The following ZC3H12C variants were observed in gnomAD, a reference collection of about 807,000 sequenced individuals.
The protein encoded by ZC3H12C is probable ribonuclease ZC3H12C.
Under a neutral mutation model 76.3 loss-of-function variants are expected in ZC3H12C, and 20 were observed. That is an observed-to-expected ratio of 0.26 (90% CI 0.18 to 0.38). The LOEUF is 0.38. ZC3H12C is among the 10% of genes least tolerant of loss of function. The pLI is 1.00. For synonymous variants in ZC3H12C, 352 were observed against 399.6 expected, an observed-to-expected ratio of 0.88 and a Z score of 1.42; for missense variants, 874 against 1,086.5, an observed-to-expected ratio of 0.80 and a Z score of 2.75.
At chr11:110,121,179 T>G (rs1392941844) in intron 1 of ZC3H12C, among the ~76,000 whole-genome samples, 1 of 152,234 alleles carries the variant, frequency 6.6e-6, no homozygotes, top group Non-Finnish European at 1.5e-5. Flanking sequence ...TTTAAGTACC[T>G]GTGTTTGGCT....
chr11:110,103,794 G>A (rs78736785), intron 1 of ZC3H12C, among the ~76,000 whole-genome samples: 2 of 151,832 alleles, frequency 1.3e-5, no homozygotes, highest in Admixed American at 6.6e-5. Context: ...TATTAGAGAT[G>A]GGGTTTCACC....
chr11:110,110,757 C>G (rs567857518), intron 1 of ZC3H12C, among the ~76,000 whole-genome samples: 14 of 152,244 alleles, frequency 9.2e-5, no homozygotes, highest in Non-Finnish European at 2.1e-4. Context: ...TAAGGTCTTT[C>G]AGACCCCTCT....
intron 1 of ZC3H12C, 95 bp downstream of exon 1, chr11:110,093,527 C>T: frequency 1.0e-6 from 1 of 970,812 alleles, no homozygotes; most frequent in African/African-American, 1.8e-5. Flanking sequence ...CGCGCCCGGG[C>T]GCCAGGCGGA....
At chr11:110,142,098 T>A (rs1285453595) in intron 2 of ZC3H12C, among the ~76,000 whole-genome samples, 1 of 152,168 alleles carries the variant, frequency 6.6e-6, no homozygotes, top group Non-Finnish European at 1.5e-5. Flanking sequence ...TTAAAGAAAA[T>A]CCTTAGAGCC....
intron 1 of ZC3H12C, among the ~76,000 whole-genome samples, chr11:110,116,545 G>A (rs1382187826): frequency 6.6e-6 from 1 of 152,100 alleles, no homozygotes; most frequent in African/African-American, 2.4e-5. Flanking sequence ...TAAAGCTTTT[G>A]CCTGCATAAT....
intron 4 of ZC3H12C, among the ~76,000 whole-genome samples, chr11:110,162,521 C>T (rs1862498840): frequency 6.6e-6 from 1 of 152,208 alleles, no homozygotes; most frequent in South Asian, 2.1e-4. Flanking sequence ...CAGAATTCTT[C>T]AAGCATAACT....
chr11:110,096,117 CAT>C (rs943727005), intron 1 of ZC3H12C, among the ~76,000 whole-genome samples: 13 of 152,102 alleles, frequency 8.5e-5, no homozygotes, highest in African/African-American at 3.1e-4. Flanking sequence ...CAACAAAACA[CAT>C]GTTATAATCT....
intron 3 of ZC3H12C, among the ~76,000 whole-genome samples, chr11:110,153,794 T>C (rs752148521): frequency 6.6e-6 from 1 of 152,248 alleles, no homozygotes; most frequent in Non-Finnish European, 1.5e-5. Context: ...TGTAAGACCA[T>C]AAGATGTGCT....
chr11:110,109,733 TG>T (rs1188391341), intron 1 of ZC3H12C, among the ~76,000 whole-genome samples: 1 of 152,140 alleles, frequency 6.6e-6, no homozygotes, highest in Non-Finnish European at 1.5e-5. Context: ...TTTCTTTGAC[TG>T]TCAGTTTGGC....
intron 1 of ZC3H12C, 107 bp downstream of exon 1, chr11:110,093,539 G>A (rs1861049884): frequency 1.2e-6 from 1 of 826,400 alleles, no homozygotes; most frequent in Non-Finnish European, 1.6e-6. Context: ...CCAGGCGGAG[G>A]GCGCCGGGGC....
chr11:110,165,935 CT>C lies in ZC3H12C; in HGVS notation c.*209del, dbSNP rs35138658. The stretch of plus-strand genomic sequence containing the variant: ...ATCACGGGATTGCTTTACATTTAAA[CT>C]TTTTTTTTTTAACATTTCCTTTTTA... On this transcript the variant is annotated 3_prime_UTR_variant, in exon 6 of 6. Transcript: ENST00000278590. 0.29 allele frequency: 138,277 copies of C among 471,202 alleles called. 15,752 individuals are homozygous for C. The highest frequency in any genetic ancestry group is 0.48 in the African/African-American group (23,587 of 49,450). The allele number at this position is 471,202 out of a possible 1,614,324, so 29.2% of individuals were successfully genotyped here. A position where few individuals can be genotyped will look rare whatever the true frequency, so the allele number is the denominator to read the frequency against.
At chr11:110,150,429 A>T (rs1373727616) in intron 2 of ZC3H12C, among the ~76,000 whole-genome samples, 1 of 152,078 alleles carries the variant, frequency 6.6e-6, no homozygotes, top group Non-Finnish European at 1.5e-5. Context: ...TACAAATTGG[A>T]TCTTTTAAAT....
chr11:110,093,706 G>A (rs575797273), intron 1 of ZC3H12C, among the ~76,000 whole-genome samples: 52 of 152,156 alleles, frequency 3.4e-4, no homozygotes, highest in Admixed American at 2.2e-3. Context: ...GCGAGGTGAG[G>A]CCGGGCTTCC....
intron 1 of ZC3H12C, among the ~76,000 whole-genome samples, chr11:110,100,923 C>G (rs936721337): frequency 2.0e-5 from 3 of 152,076 alleles, no homozygotes; most frequent in Non-Finnish European, 4.4e-5. Context: ...CATGTGAAAG[C>G]CAAGCTAGGC....
chr11:110,112,438 G>T (rs1037957851), intron 1 of ZC3H12C, among the ~76,000 whole-genome samples: 7 of 152,150 alleles, frequency 4.6e-5, no homozygotes, highest in African/African-American at 1.2e-4. Context: ...CAGTCTTCCT[G>T]CCTCCGCCTC....
In ZC3H12C at chr11:110,159,378, T is replaced by A. The variant is rs1459110897; in HGVS notation, c.1036T>A (p.Ser346Thr). 3.7e-6 allele frequency: 6 copies of A among 1,613,846 alleles called. No individual in the cohort carries two copies. The African/African-American group carries it at 8.0e-5, about 22-fold the overall frequency. The change falls in exon 4 of 6, where the codon TCG becomes ACG. Residue 346 changes from serine to threonine, a missense_variant. Around this residue, in one of 3 missense-constraint regions of ZC3H12C, gnomAD observed 269 missense variants for 424.9 expected, o/e 0.63. Coordinates refer to ENST00000278590, the MANE Select transcript of ZC3H12C (RefSeq NM_033390.2). ...DRFIVKLAFE[S>T]DGIIVSNDNY... is the part of the protein sequence containing the mutation. ...GTTCATCGTGAAGCTGGCTTTTGAG[T>A]CGGACGGTATCATTGTGTCCAATGA... is the stretch of plus-strand genomic sequence containing the variant.
intron 1 of ZC3H12C, among the ~76,000 whole-genome samples, chr11:110,127,624 G>A (rs141735060): frequency 0.017 from 2,514 of 152,196 alleles, 70 homozygotes; most frequent in African/African-American, 0.055. Flanking sequence ...GCTGGGTGTG[G>A]TGGCTCATGC....
intron 1 of ZC3H12C, among the ~76,000 whole-genome samples, chr11:110,120,483 G>A (rs1464557162): frequency 1.3e-5 from 2 of 152,064 alleles, no homozygotes; most frequent in Admixed American, 6.6e-5. Flanking sequence ...TGGGAAAAAC[G>A]TAGCACTAAA....
intron 1 of ZC3H12C, among the ~76,000 whole-genome samples, chr11:110,111,644 C>T (rs1861431098): frequency 6.6e-6 from 1 of 151,252 alleles, no homozygotes; most frequent in African/African-American, 2.4e-5. Flanking sequence ...GATTCTCCCA[C>T]CTCAGCTTCC....
Sources: allele counts gnomAD v4.1 joint callset (sites outside exome capture counted in the v4.1 genomes callset), GRCh38; gene constraint gnomAD v4.1.1; regional missense constraint gnomAD v4.1.1; transcripts MANE v1.5; gene names NCBI Gene and HGNC (gene_info 2026-07-23, HGNC 2026-07-21).